SYT16: variants seen among roughly 807,000 people sequenced by gnomAD.
The protein encoded by SYT16 is synaptotagmin 16, also known as synaptotagmin-16.
In SYT16, 42 loss-of-function variants were observed where a neutral mutation model predicts 61.4. The ratio of observed to expected loss-of-function variants is 0.68; its 90% CI spans 0.53 to 0.89. The LOEUF is 0.89. Among genes scored for constraint, SYT16 ranks in the 40% least tolerant of loss-of-function variants. SYT16 has a pLI of 0.00. For synonymous variants in SYT16, 314 were observed against 302.3 expected, an observed-to-expected ratio of 1.04 and a Z score of -0.40; for missense variants, 804 against 807.3, an observed-to-expected ratio of 1.00 and a Z score of 0.05.
intron 1 of SYT16, among the ~76,000 whole-genome samples, chr14:61,868,774 G>A (rs1172340243): frequency 6.6e-6 from 1 of 151,898 alleles, no homozygotes; most frequent in South Asian, 2.1e-4. Context: ...GTTTTTGTTG[G>A]TTGTTCTATA....
chr14:62,017,123 T>G (rs183178741), intron 3 of SYT16, among the ~76,000 whole-genome samples: 76 of 152,278 alleles, frequency 5.0e-4, no homozygotes, highest in African/African-American at 1.7e-3. Context: ...ATTGCGGGGA[T>G]TTAAAAAAAG....
intron 1 of SYT16, among the ~76,000 whole-genome samples, chr14:61,956,528 C>G (rs1233876435): frequency 1.3e-5 from 2 of 151,942 alleles, no homozygotes; most frequent in African/African-American, 4.8e-5. Context: ...TGTGGATATC[C>G]AATTTTACTG....
intron 1 of SYT16, chr14:61,832,271 A>G (rs2045963115): frequency 1.7e-6 from 1 of 596,882 alleles, no homozygotes; most frequent in African/African-American, 1.8e-5. Flanking sequence ...CTGGGAGCGC[A>G]TAGTCATCGC....
At chr14:61,869,738 G>A (rs892051812) in intron 1 of SYT16, among the ~76,000 whole-genome samples, 1 of 151,356 alleles carries the variant, frequency 6.6e-6, no homozygotes, top group Non-Finnish European at 1.5e-5. Context: ...TGAGATTAGG[G>A]TCCTTATAAT....
intron 1 of SYT16, among the ~76,000 whole-genome samples, chr14:61,927,112 C>T (rs1362862008): frequency 1.3e-5 from 2 of 152,162 alleles, no homozygotes; most frequent in Non-Finnish European, 2.9e-5. Context: ...AGTAACAGCC[C>T]AGCTATTGCC....
At chr14:61,943,457 C>T (rs183137651) in intron 1 of SYT16, among the ~76,000 whole-genome samples, 6 of 152,298 alleles carry the variant, frequency 3.9e-5, no homozygotes, top group Admixed American at 2.0e-4. Context: ...CAATATCCCT[C>T]ATGAACATTG....
intron 1 of SYT16, among the ~76,000 whole-genome samples, chr14:61,968,215 C>G (rs772131821): frequency 6.6e-6 from 1 of 151,950 alleles, no homozygotes; most frequent in Non-Finnish European, 1.5e-5. Context: ...GAGCCAGGAT[C>G]GCGCCACTGC....
chr14:62,056,570 C>A (rs1293449945), intron 3 of SYT16, among the ~76,000 whole-genome samples: 2 of 152,140 alleles, frequency 1.3e-5, no homozygotes, highest in Admixed American at 1.3e-4. Context: ...TATAAAGGCC[C>A]CGAGTAAAGT....
At chr14:62,002,190 G>A (rs2053045453) in intron 3 of SYT16, among the ~76,000 whole-genome samples, 1 of 151,758 alleles carries the variant, frequency 6.6e-6, no homozygotes, top group Non-Finnish European at 1.5e-5. Context: ...TTTTTTGCCT[G>A]GAAGTGAGCA....
intron 1 of SYT16, among the ~76,000 whole-genome samples, chr14:61,907,967 G>C (rs887807259): frequency 6.6e-6 from 1 of 152,238 alleles, no homozygotes; most frequent in Non-Finnish European, 1.5e-5. Context: ...GAGCATGAGA[G>C]ACTTTGTGTG....
At chr14:61,994,190 T>C (rs1483288556) in intron 2 of SYT16, among the ~76,000 whole-genome samples, 1 of 152,186 alleles carries the variant, frequency 6.6e-6, no homozygotes, top group East Asian at 1.9e-4. Flanking sequence ...AAGAGAGAAA[T>C]TCACAATCCC....
At chr14:61,937,209 G>A (rs1208614118) in intron 1 of SYT16, among the ~76,000 whole-genome samples, 1 of 152,224 alleles carries the variant, frequency 6.6e-6, no homozygotes, top group Non-Finnish European at 1.5e-5. Context: ...AGTTCATCAT[G>A]ATTTTTAAAG....
intron 1 of SYT16, among the ~76,000 whole-genome samples, chr14:61,958,903 A>G (rs1488127478): frequency 1.3e-5 from 2 of 151,936 alleles, no homozygotes; most frequent in Admixed American, 6.6e-5. Context: ...AGATTTGTCA[A>G]TGTTTGTTTT....
chr14:61,965,665 T>C (rs1395519096), intron 1 of SYT16, among the ~76,000 whole-genome samples: 1 of 152,018 alleles, frequency 6.6e-6, no homozygotes. Context: ...TTAGTGAAAA[T>C]GTGTAGGGAA....
intron 1 of SYT16, among the ~76,000 whole-genome samples, chr14:61,831,280 A>T (rs2045927970): frequency 6.6e-6 from 1 of 152,150 alleles, no homozygotes; most frequent in East Asian, 1.9e-4. Context: ...TGTTTTTTGT[A>T]CTTATTCCAT....
chr14:61,955,598 C>T (rs1292180809), intron 1 of SYT16, among the ~76,000 whole-genome samples: 1 of 151,976 alleles, frequency 6.6e-6, no homozygotes, highest in African/African-American at 2.4e-5. Flanking sequence ...TAGGTTCATT[C>T]ATGTTGTCAC....
At chr14:61,860,466 G>A (rs906494168) in intron 1 of SYT16, among the ~76,000 whole-genome samples, 3 of 152,280 alleles carry the variant, frequency 2.0e-5, no homozygotes, top group Admixed American at 1.3e-4. Flanking sequence ...TGTCATCTAG[G>A]ACTGCAGTGC....
At chr14:61,861,335 C>CA (rs1308856569) in intron 1 of SYT16, among the ~76,000 whole-genome samples, 2 of 152,188 alleles carry the variant, frequency 1.3e-5, no homozygotes, top group African/African-American at 4.8e-5. Context: ...AAAATATAAA[C>CA]ATTTTAATGC....
intron 2 of SYT16, among the ~76,000 whole-genome samples, chr14:61,971,766 C>A (rs1346101963): frequency 6.6e-6 from 1 of 152,176 alleles, no homozygotes; most frequent in Non-Finnish European, 1.5e-5. Flanking sequence ...TTTGGCATTC[C>A]TGCTATCGCA....
Sources: gnomAD v4.1 joint callset for allele counts (sites outside exome capture counted in the v4.1 genomes callset) on GRCh38, gnomAD v4.1.1 for gene constraint, MANE v1.5 for transcripts, NCBI Gene and HGNC (gene_info 2026-07-23, HGNC 2026-07-21) for gene names.